Variants in CDS2 observed in about 807,000 individuals in gnomAD.
The protein encoded by CDS2 is CDP-diacylglycerol synthase 2.
In CDS2, 47 loss-of-function variants were observed where a neutral mutation model predicts 59.0. That is an observed-to-expected ratio of 0.80 (90% CI 0.63 to 1.02). CDS2 has a LOEUF of 1.02. Ranked by LOEUF, CDS2 falls within the 50% of genes least tolerant of loss-of-function variation. The pLI, the probability that CDS2 is intolerant of heterozygous loss-of-function variation, is 0.00. For missense variants in CDS2, 356 were observed against 558.9 expected, an observed-to-expected ratio of 0.64 and a Z score of 3.66; for synonymous variants, 207 against 206.4, an observed-to-expected ratio of 1.00 and a Z score of -0.02.
In CDS2 at chr20:5,193,581, A is replaced by C. The variant is rs2091134512; in HGVS notation, c.*3347A>C. ...CTTATTTGAATGGATCTTTGAGTTG[A>C]GATCTTCACACTGTCAGTGAGCCCT... On this transcript the variant is annotated 3_prime_UTR_variant, in exon 13 of 13. Transcript: ENST00000460006. 1 of 152,216 alleles carries C rather than the reference A, an allele frequency of 6.6e-6. No homozygotes were observed. Among genetic ancestry groups the C allele is most frequent in the African/African-American group, 2.4e-5 (1 of 41,452 alleles). The allele number at this position is 152,216 out of a possible 1,614,324, so 9.4% of individuals were successfully genotyped here.
At chr20:5,144,836 C>G (rs560625719) in intron 1 of CDS2, among the ~76,000 whole-genome samples, 1 of 152,210 alleles carries the variant, frequency 6.6e-6, no homozygotes, top group East Asian at 1.9e-4. Flanking sequence ...TTGGCTTGAT[C>G]CGGTCCTTTC....
At chr20:5,133,513 A>G (rs188081796) in intron 1 of CDS2, among the ~76,000 whole-genome samples, 88 of 151,656 alleles carry the variant, frequency 5.8e-4, no homozygotes, top group African/African-American at 2.1e-3. Context: ...AATGGTTCGT[A>G]TTATGAAGGT....
At chr20:5,137,677 G>C (rs2090659006) in intron 1 of CDS2, among the ~76,000 whole-genome samples, 2 of 151,802 alleles carry the variant, frequency 1.3e-5, no homozygotes, top group South Asian at 4.2e-4. Flanking sequence ...TGCTGGGCGT[G>C]GTGGTGCACG....
Position 5,186,663 on chromosome 20 carries a change from G to T in CDS2, c.829-24G>T, listed in dbSNP as rs56675931. The stretch of plus-strand genomic sequence containing the variant: ...GATGGTTGGAACTTACTTCCTTGCC[G>T]GTCTCTCTGTTATTCCTCCTCAGCT... On this transcript the variant is annotated intron_variant, in intron 9 of 12. Transcript: ENST00000460006. The T allele has an allele frequency of 2.8e-3, 4,565 of 1,611,582 alleles. 125 individuals are homozygous for T. In the African/African-American group the frequency reaches 0.053, roughly 19 times the overall value.
chr20:5,178,746 CTGGGATG>C (rs2091011971), intron 4 of CDS2, 64 bp from the exon 5 acceptor site: 1 of 1,556,498 alleles, frequency 6.4e-7, no homozygotes, highest in Non-Finnish European at 8.8e-7. Context: ...GTCCCTTCCT[CTGGGATG>C]TCTGACTGCC....
rs2091168643 is a variant in CDS2, at chr20:5,197,640, G to A, written c.*7406G>A. On this transcript the variant is annotated 3_prime_UTR_variant, in exon 13 of 13. Transcript: ENST00000460006. The stretch of plus-strand genomic sequence containing the variant: ...AGTTCTCGGTGTGTAGAGTCCACGT[G>A]ACAGTCCCCACAGCCTCCCCAGATA... The A allele has an allele frequency of 6.6e-6, 1 of 151,980 alleles. No homozygotes were observed. 9.4% of individuals were successfully genotyped at this position (151,980 alleles called of 1,614,324 possible). A position where few individuals can be genotyped will look rare whatever the true frequency, so the allele number is the denominator to read the frequency against.
intron 1 of CDS2, among the ~76,000 whole-genome samples, chr20:5,159,319 C>CG (rs2090858224): frequency 1.8e-5 from 1 of 54,188 alleles, no homozygotes; most frequent in Non-Finnish European, 3.2e-5. Context: ...AATGCTTTCC[C>CG]TCCCCCTCCC....
chr20:5,127,293 C>T lies in CDS2; in HGVS notation c.57+144C>T, dbSNP rs565499797. ...CCGGGCCCGGGTAGCGCGAAGGGCC[C>T]TCGGGTGCCCGGCCTTCGCGGCGCG... On this transcript the variant is annotated intron_variant, in intron 1 of 12. Transcript: ENST00000460006. 338 of 684,658 alleles carry T rather than the reference C, an allele frequency of 4.9e-4. 1 individual carries two copies. In the African/African-American group the frequency reaches 5.9e-3, roughly 12 times the overall value. 42.4% of individuals were successfully genotyped at this position (684,658 alleles called of 1,614,324 possible).
chr20:5,129,640 C>G (rs2090587069), intron 1 of CDS2, among the ~76,000 whole-genome samples: 1 of 152,046 alleles, frequency 6.6e-6, no homozygotes, highest in Non-Finnish European at 1.5e-5. Flanking sequence ...CACGGCTTCT[C>G]AATGTTGGTC....
intron 1 of CDS2, among the ~76,000 whole-genome samples, chr20:5,153,664 G>A (rs547466039): frequency 6.6e-6 from 1 of 152,296 alleles, no homozygotes; most frequent in Non-Finnish European, 1.5e-5. Context: ...ATGCATTTGA[G>A]CTACTCTTCT....
intron 1 of CDS2, 63 bp from the exon 2 acceptor site, chr20:5,173,460 A>C: frequency 1.9e-6 from 3 of 1,586,438 alleles, no homozygotes; most frequent in Non-Finnish European, 2.6e-6. Context: ...TGACAGGCAT[A>C]GACTTCTCAA....
rs562062885 is a variant in CDS2 at position 5,148,806 on chromosome 20, A to G, written c.57+21657A>G. ...TTGTTTTCTCACAGGGATGTCAGCC[A>G]AACACCCAGTTTTCTCTTGAACAGT... On this transcript the variant is annotated intron_variant, in intron 1 of 12. Coordinates refer to ENST00000460006, the MANE Select transcript of CDS2 (RefSeq NM_003818.4). 6.6e-5 allele frequency among the ~76,000 whole-genome samples: 10 copies of G among 152,346 alleles called. No homozygotes were observed. The East Asian group carries it at 1.9e-3, about 29-fold the overall frequency.
At chr20:5,176,356 A>T in intron 3 of CDS2, 1 of 275,142 alleles carries the variant, frequency 3.6e-6, no homozygotes, top group Non-Finnish European at 7.1e-6. Context: ...CAGGAGTTCA[A>T]GACCAGCCTG....
intron 1 of CDS2, among the ~76,000 whole-genome samples, chr20:5,145,822 G>GGTTTTTTTTTTTTTTTTT (rs773575866): frequency 3.9e-5 from 5 of 129,264 alleles, no homozygotes; most frequent in African/African-American, 1.5e-4. Context: ...TGCTTTTTGT[G>GGTTTTTTTTTTTTTTTTT]TTTTTTTTTT....
chr20:5,177,102 G>A (rs1215290603), intron 4 of CDS2, among the ~76,000 whole-genome samples: 1 of 152,150 alleles, frequency 6.6e-6, no homozygotes, highest in African/African-American at 2.4e-5. Context: ...GAATCTTCCT[G>A]AGAAGAAACC....
chr20:5,169,985 T>G (rs973615819), intron 1 of CDS2, among the ~76,000 whole-genome samples: 1 of 152,160 alleles, frequency 6.6e-6, no homozygotes, highest in African/African-American at 2.4e-5. Context: ...TTCTGTCCTG[T>G]GTGCTGTGGT....
chr20:5,139,068 G>C (rs1015915628), intron 1 of CDS2, among the ~76,000 whole-genome samples: 1 of 152,166 alleles, frequency 6.6e-6, no homozygotes, highest in African/African-American at 2.4e-5. Context: ...CAGGCTGGGC[G>C]TGGTGGCTCA....
At chr20:5,174,202 CA>C (rs1287058074) in intron 2 of CDS2, among the ~76,000 whole-genome samples, 12 of 152,154 alleles carry the variant, frequency 7.9e-5, no homozygotes, top group African/African-American at 2.7e-4. Context: ...GTGAGTAGAT[CA>C]AAAACACATT....
At chr20:5,140,847 T>G (rs889305797) in intron 1 of CDS2, among the ~76,000 whole-genome samples, 5 of 152,232 alleles carry the variant, frequency 3.3e-5, no homozygotes, top group African/African-American at 1.2e-4. Context: ...ATCAAGACTC[T>G]AGTTCTAAGT....
Sources: gnomAD v4.1 joint callset for allele counts (sites outside exome capture counted in the v4.1 genomes callset) on GRCh38, gnomAD v4.1.1 for gene constraint, MANE v1.5 for transcripts, NCBI Gene and HGNC (gene_info 2026-07-23, HGNC 2026-07-21) for gene names.